DDX52: variants seen among roughly 807,000 people sequenced by gnomAD.
DDX52 encodes probable ATP-dependent RNA helicase DDX52.
A neutral mutation model predicts 76.1 loss-of-function variants in DDX52; 59 were observed. The observed-to-expected ratio is 0.78, with a 90% confidence interval of 0.63 to 0.96. The LOEUF (loss-of-function observed/expected upper bound fraction) is 0.96. Among genes scored for constraint, DDX52 ranks in the 40% least tolerant of loss-of-function variants. The pLI, the probability that DDX52 is intolerant of heterozygous loss-of-function variation, is 0.00. For missense variants in DDX52, 707 were observed against 703.9 expected (o/e 1.00, Z -0.05); for synonymous variants, 231 against 244.1 (o/e 0.95, Z 0.50).
intron 14 of DDX52, 45 bp from the exon 15 acceptor site, chr17:37,614,398 A>G (rs753439113): frequency 2.5e-6 from 4 of 1,579,926 alleles, no homozygotes; most frequent in Non-Finnish European, 3.4e-6. Context: ...AATTCTACGT[A>G]TATTTACTTT....
chr17:37,622,452 C>A (rs1007398476), intron 9 of DDX52, among the ~76,000 whole-genome samples: 1 of 152,020 alleles, frequency 6.6e-6, no homozygotes, highest in African/African-American at 2.4e-5. Flanking sequence ...CACCACCACG[C>A]CTGGCTAACT....
chr17:37,618,374 T>C lies in DDX52; in HGVS notation c.1660A>G (p.Lys554Glu). ...TCCAATGGTTTCTTAATCATCTTTT[T>C]CTTTTGTTTGCTGAAAGTTACAAAG... ...GFQKLLSKQKKKMIKKPLERE... is the reference protein window; with the variant it reads ...GFQKLLSKQKEKMIKKPLERE... Residue 554 changes from lysine to glutamate, a missense_variant, in exon 14 of 15, where the codon AAA (lysine) becomes GAA (glutamate). Physicochemically the swap from Lys to Glu is moderately conservative, Grantham distance 56 (BLOSUM62 1). Transcript: ENST00000617633. The C allele has an allele frequency of 6.3e-7, 1 of 1,585,380 alleles. No individual in the cohort carries two copies. The highest frequency in any genetic ancestry group is 8.5e-7 in the Non-Finnish European group (1 of 1,171,928).
At position 37,610,946 on chromosome 17, in the gene DDX52, C is replaced by T. The variant is rs1294078249; in HGVS notation, c.*3350G>A. On this transcript the variant is annotated 3_prime_UTR_variant, in exon 15 of 15. Transcript: ENST00000617633. ...AGGAGCTAAATTTAGTATTAATACA[C>T]TGACTAAGTTGATACAGGTTACTGT... is the stretch of plus-strand genomic sequence containing the variant. 2 of 152,036 alleles carry T rather than the reference C, an allele frequency of 1.3e-5. No individual in the cohort carries two copies. The highest frequency in any genetic ancestry group is 2.1e-4 in the South Asian group (1 of 4,828). 9.4% of individuals were successfully genotyped at this position (152,036 alleles called of 1,614,324 possible). A position where few individuals can be genotyped will look rare whatever the true frequency, so the allele number is the denominator to read the frequency against.
At chr17:37,615,356 G>T (rs904810909) in intron 14 of DDX52, among the ~76,000 whole-genome samples, 2 of 152,088 alleles carry the variant, frequency 1.3e-5, no homozygotes, top group Non-Finnish European at 1.5e-5. Flanking sequence ...AAGTGTCTTC[G>T]AAGTCTTAGT....
At chr17:37,626,747 A>C (rs750662266) in intron 7 of DDX52, 41 bp downstream of exon 7, 6 of 1,575,398 alleles carry the variant, frequency 3.8e-6, no homozygotes, top group Non-Finnish European at 5.2e-6. Context: ...AATTAACTAA[A>C]TTAAAAATAC....
At chr17:37,619,239 C>T (rs2029950885) in intron 13 of DDX52, among the ~76,000 whole-genome samples, 1 of 152,040 alleles carries the variant, frequency 6.6e-6, no homozygotes, top group Non-Finnish European at 1.5e-5. Context: ...ATTAGCTGGG[C>T]ATGGTGGCGC....
chr17:37,634,104 C>T (rs1434104907), intron 2 of DDX52, among the ~76,000 whole-genome samples: 2 of 151,528 alleles, frequency 1.3e-5, no homozygotes, highest in Admixed American at 6.6e-5. Context: ...GCCACCATGC[C>T]CGGCTAATTT....
intron 4 of DDX52, among the ~76,000 whole-genome samples, chr17:37,630,639 GTTT>G (rs34387906): frequency 6.2e-5 from 8 of 128,566 alleles, no homozygotes; most frequent in Admixed American, 8.1e-5. Flanking sequence ...AACTCACTGT[GTTT>G]TTTTTTTTTT....
chr17:37,614,560 T>C (rs565255152), intron 14 of DDX52, among the ~76,000 whole-genome samples: 1 of 152,352 alleles, frequency 6.6e-6, no homozygotes, highest in South Asian at 2.1e-4. Flanking sequence ...CACAGTAAAC[T>C]ACATTACTAC....
intron 8 of DDX52, 32 bp from the exon 9 acceptor site, chr17:37,624,466 G>C (rs2030263808): frequency 1.3e-6 from 2 of 1,517,698 alleles, no homozygotes; most frequent in East Asian, 2.3e-5. Context: ...TAGTTTGTAA[G>C]AGTTAATTTT....
intron 14 of DDX52, among the ~76,000 whole-genome samples, chr17:37,617,544 T>C (rs7217182): frequency 0.051 from 7,818 of 152,296 alleles, 708 homozygotes; most frequent in African/African-American, 0.18. Flanking sequence ...AAAACTCAGC[T>C]AAGCTAGCAC....
rs375842058 is a variant in DDX52, at chr17:37,630,202, CAAAG to C, written c.604-33_604-30del. Reference sequence around the variant, plus strand: ...AAAACATAGGGTATATTAAATACTACAAAGAAAGTACATAAATTTTTCAGAGCCT... The same window carrying C: ...AAAACATAGGGTATATTAAATACTACAAAGTACATAAATTTTTCAGAGCCT... On this transcript the variant is annotated intron_variant, in intron 4 of 14. Transcript: ENST00000617633. The C allele has an allele frequency of 1.7e-3, 2,580 of 1,540,862 alleles. 66 individuals are homozygous for C. In the South Asian group the frequency reaches 0.03, roughly 18 times the overall value.
intron 7 of DDX52, 88 bp downstream of exon 7, chr17:37,626,700 C>A (rs2030392005): frequency 7.2e-7 from 1 of 1,380,490 alleles, no homozygotes; most frequent in Admixed American, 2.0e-5. Context: ...CAGCAAGCTC[C>A]AAAGACAAAA....
chr17:37,619,767 C>T lies in DDX52; in HGVS notation c.1649+1G>A, dbSNP rs780151379. 1 of 1,612,458 alleles carries T rather than the reference C, an allele frequency of 6.2e-7. No individual in the cohort carries two copies. Among genetic ancestry groups the T allele is most frequent in the Non-Finnish European group, 8.5e-7 (1 of 1,179,274 alleles). ...AGATACAGGTAAATTCAAGATTGTA[C>T]CTTAGTAGTTTCTGAAAACCTTTTA... is the stretch of plus-strand genomic sequence containing the variant. On this transcript the variant is annotated splice_donor_variant, in intron 13 of 14. Transcript: ENST00000617633. LOFTEE classifies it high-confidence loss of function.
At chr17:37,640,104 G>A (rs2031118771) in intron 2 of DDX52, among the ~76,000 whole-genome samples, 1 of 152,134 alleles carries the variant, frequency 6.6e-6, no homozygotes, top group African/African-American at 2.4e-5. Context: ...AGTGTTTCTG[G>A]TGGATACATC....
intron 1 of DDX52, chr17:37,643,053 G>A: frequency 3.0e-6 from 1 of 337,052 alleles, no homozygotes; most frequent in South Asian, 1.1e-4. Flanking sequence ...AGTTCCTTTT[G>A]AAAGGAGGAT....
intron 6 of DDX52, among the ~76,000 whole-genome samples, chr17:37,627,453 T>C (rs1331078086): frequency 6.6e-6 from 1 of 152,076 alleles, no homozygotes; most frequent in African/African-American, 2.4e-5. Flanking sequence ...CCCTATGCTG[T>C]CCAGGCTGGT....
At position 37,611,089 on chromosome 17, in the gene DDX52, C is replaced by T. The variant is rs373844358; in HGVS notation, c.*3207G>A. ...GTTTTTACATTTGCAGGATTCAACT[C>T]AGGATGTCGGCCTTCCATGACATCC... On this transcript the variant is annotated 3_prime_UTR_variant, in exon 15 of 15. Coordinates refer to ENST00000617633, the MANE Select transcript of DDX52 (RefSeq NM_007010.5). 1.3e-5 allele frequency: 2 copies of T among 152,224 alleles called. No homozygotes were observed. Among genetic ancestry groups the T allele is most frequent in the East Asian group, 3.8e-4 (2 of 5,204 alleles). The allele number at this position is 152,224 out of a possible 1,614,324, so 9.4% of individuals were successfully genotyped here. A position where few individuals can be genotyped will look rare whatever the true frequency, so the allele number is the denominator to read the frequency against.
chr17:37,616,817 TGA>T (rs1425354578), intron 14 of DDX52, among the ~76,000 whole-genome samples: 2 of 152,232 alleles, frequency 1.3e-5, no homozygotes, highest in Non-Finnish European at 2.9e-5. Context: ...GATAAAATTT[TGA>T]GACACTATAT....
Sources: gnomAD v4.1 joint callset for allele counts (sites outside exome capture counted in the v4.1 genomes callset) on GRCh38, gnomAD v4.1.1 for gene constraint, MANE v1.5 for transcripts, NCBI Gene and HGNC (gene_info 2026-07-23, HGNC 2026-07-21) for gene names.